Variants in ADAMTSL1 observed in about 807,000 individuals in gnomAD.
ADAMTSL1 encodes the protein ADAMTS like 1.
A neutral mutation model predicts 201.8 loss-of-function variants in ADAMTSL1; 126 were observed. That is an observed-to-expected ratio of 0.62 (90% confidence interval 0.54 to 0.72). ADAMTSL1 has a LOEUF of 0.72. ADAMTSL1 is among the 30% of genes least tolerant of loss of function. The pLI is 0.00. For missense variants in ADAMTSL1, 2,679 were observed against 2,277.8 expected (o/e 1.18, Z -3.59); for synonymous variants, 1,121 against 903.4 (o/e 1.24, Z -4.32).
intron 1 of ADAMTSL1, among the ~76,000 whole-genome samples, chr9:17,972,341 G>T: frequency 8.5e-6 from 1 of 118,320 alleles, no homozygotes; most frequent in Admixed American, 1.0e-4. Flanking sequence ...AGTCCCCGGT[G>T]TGTGATGTTC....
At chr9:18,084,564 G>GGAAT (rs1226283560) in intron 1 of ADAMTSL1, among the ~76,000 whole-genome samples, 1 of 151,826 alleles carries the variant, frequency 6.6e-6, no homozygotes, top group Admixed American at 6.6e-5. Flanking sequence ...AGGTGGTGAT[G>GGAAT]GAATTCTCTT....
intron 23 of ADAMTSL1, among the ~76,000 whole-genome samples, chr9:18,885,987 CA>C (rs926254991): frequency 2.0e-5 from 3 of 151,464 alleles, no homozygotes; most frequent in Admixed American, 6.6e-5. Context: ...TCTCTGGATT[CA>C]AAAACAAGAA....
chr9:18,389,814 C>A (rs944449633), intron 2 of ADAMTSL1, among the ~76,000 whole-genome samples: 1 of 151,990 alleles, frequency 6.6e-6, no homozygotes, highest in African/African-American at 2.4e-5. Flanking sequence ...AAATTACAAT[C>A]TTATATTTAG....
chr9:18,526,716 T>C (rs1025927106), intron 2 of ADAMTSL1, among the ~76,000 whole-genome samples: 1 of 151,992 alleles, frequency 6.6e-6, no homozygotes, highest in African/African-American at 2.4e-5. Flanking sequence ...TTGGAGAATT[T>C]TTTTAACTGG....
At chr9:18,847,700 G>A (rs1418835672) in intron 23 of ADAMTSL1, among the ~76,000 whole-genome samples, 2 of 152,322 alleles carry the variant, frequency 1.3e-5, no homozygotes, top group East Asian at 1.9e-4. Flanking sequence ...AAGAATGAGT[G>A]CGGAGTTCCG....
At chr9:17,911,382 C>T (rs1216249055) in intron 1 of ADAMTSL1, among the ~76,000 whole-genome samples, 1 of 68,672 alleles carries the variant, frequency 1.5e-5, no homozygotes, top group African/African-American at 2.9e-5. Flanking sequence ...TTAACGATTT[C>T]TACAACCTGA....
At chr9:18,276,025 A>G (rs1488856885) in intron 2 of ADAMTSL1, among the ~76,000 whole-genome samples, 1 of 152,160 alleles carries the variant, frequency 6.6e-6, no homozygotes, top group South Asian at 2.1e-4. Context: ...CTCTTCTGAA[A>G]GTTTCTTACT....
At chr9:18,232,194 A>G (rs1420425523) in intron 2 of ADAMTSL1, among the ~76,000 whole-genome samples, 1 of 152,094 alleles carries the variant, frequency 6.6e-6, no homozygotes, top group Admixed American at 6.6e-5. Context: ...TAGCCAAACT[A>G]GCTTCCTTGC....
At chr9:18,354,798 C>T (rs1054346561) in intron 2 of ADAMTSL1, among the ~76,000 whole-genome samples, 1 of 152,072 alleles carries the variant, frequency 6.6e-6, no homozygotes, top group Non-Finnish European at 1.5e-5. Flanking sequence ...AGTGAAACCC[C>T]ATCTCTACTG....
intron 3 of ADAMTSL1, among the ~76,000 whole-genome samples, chr9:18,565,757 G>A (rs531474153): frequency 6.6e-6 from 1 of 152,156 alleles, no homozygotes; most frequent in Non-Finnish European, 1.5e-5. Context: ...CACGCAGACT[G>A]TCTAGACAGG....
At chr9:18,506,660 A>G (rs1817682417) in intron 2 of ADAMTSL1, among the ~76,000 whole-genome samples, 1 of 152,260 alleles carries the variant, frequency 6.6e-6, no homozygotes, top group Non-Finnish European at 1.5e-5. Flanking sequence ...TTATGATACT[A>G]CAAAAGATAT....
intron 19 of ADAMTSL1, among the ~76,000 whole-genome samples, chr9:18,783,802 A>C (rs1443582975): frequency 6.6e-6 from 1 of 152,094 alleles, no homozygotes; most frequent in African/African-American, 2.4e-5. Flanking sequence ...TATAATATAC[A>C]ACAAAGACTA....
rs527550154 is a variant in ADAMTSL1 at position 18,407,206 on chromosome 9, C to A, written c.208-97623C>A. Among the ~76,000 whole-genome samples the A allele has an allele frequency of 5.3e-5, 8 of 151,732 alleles. No individual in the cohort carries two copies. The South Asian group carries it at 1.7e-3, about 32-fold the overall frequency. On this transcript the variant is annotated intron_variant, in intron 2 of 29. Transcript: ENST00000680146. ...CACTCAAAGCTGCCTGGGGTTCTCA[C>A]AAGAGCTTTACAGAGAAGACAGACA... is the stretch of plus-strand genomic sequence containing the variant.
intron 2 of ADAMTSL1, among the ~76,000 whole-genome samples, chr9:18,392,837 AC>A (rs1198557991): frequency 1.3e-5 from 2 of 152,154 alleles, no homozygotes; most frequent in African/African-American, 4.8e-5. Flanking sequence ...TTCTTCACCT[AC>A]CTCTACTTTG....
intron 2 of ADAMTSL1, among the ~76,000 whole-genome samples, chr9:18,253,098 A>G (rs1341910124): frequency 1.3e-5 from 2 of 152,338 alleles, no homozygotes; most frequent in South Asian, 4.1e-4. Context: ...AGAGGTTTCT[A>G]TGATGTAGAT....
intron 2 of ADAMTSL1, among the ~76,000 whole-genome samples, chr9:18,237,590 C>T (rs970946407): frequency 6.6e-6 from 1 of 152,166 alleles, no homozygotes; most frequent in African/African-American, 2.4e-5. Flanking sequence ...ATATAGAAAA[C>T]CAATACTGAC....
chr9:18,327,501 C>T (rs1834873002), intron 2 of ADAMTSL1, among the ~76,000 whole-genome samples: 1 of 152,180 alleles, frequency 6.6e-6, no homozygotes, highest in Non-Finnish European at 1.5e-5. Context: ...GCATTTTTCC[C>T]CTCTTATCTG....
chr9:18,234,820 A>G (rs376603892), intron 2 of ADAMTSL1, among the ~76,000 whole-genome samples: 4 of 152,342 alleles, frequency 2.6e-5, no homozygotes, highest in East Asian at 1.9e-4. Context: ...TTCCCAGTCT[A>G]TTAAAAGTAT....
chr9:18,828,783 T>C (rs1824790236), intron 22 of ADAMTSL1, among the ~76,000 whole-genome samples: 1 of 149,992 alleles, frequency 6.7e-6, no homozygotes, highest in Non-Finnish European at 1.5e-5. Flanking sequence ...CAATGGTCTT[T>C]GTCAGTCAGA....
Sources: gnomAD v4.1 joint callset for allele counts (sites outside exome capture counted in the v4.1 genomes callset) on GRCh38, gnomAD v4.1.1 for gene constraint, MANE v1.5 for transcripts, NCBI Gene and HGNC (gene_info 2026-07-23, HGNC 2026-07-21) for gene names.